Variants in VPS13C observed in about 807,000 individuals in gnomAD.
The protein encoded by VPS13C is vacuolar protein sorting 13 homolog C.
A neutral mutation model predicts 456.8 loss-of-function variants in VPS13C; 358 were observed. The observed-to-expected ratio is 0.78, with a 90% CI of 0.72 to 0.86. The LOEUF (loss-of-function observed/expected upper bound fraction) is 0.86. Ranked by LOEUF, VPS13C falls within the 40% of genes least tolerant of loss-of-function variation. VPS13C has a pLI of 0.00. For missense variants in VPS13C, 4,818 were observed against 4,385.4 expected, an observed-to-expected ratio of 1.10 and a Z score of -2.79; for synonymous variants, 1,578 against 1,486.7, an observed-to-expected ratio of 1.06 and a Z score of -1.41.
chr15:61,947,305 G>A lies in VPS13C; in HGVS notation c.4764C>T (p.Ser1588=). The A allele has an allele frequency of 1.0e-5, 16 of 1,602,916 alleles. No homozygotes were observed. The highest frequency in any genetic ancestry group is 1.4e-5 in the Non-Finnish European group (16 of 1,174,306). Residue 1588 remains serine (S), a synonymous_variant, in exon 43 of 85, where the codon TCC becomes TCT. Coordinates refer to ENST00000644861, the MANE Select transcript of VPS13C (RefSeq NM_020821.3). ...ESRSIAVKAV[S]SNISQKDVFD... ...ACACATCCTTTTGGGAAATGTTGCTGGATACTAAAAAATAATAGAAACCTT... is the reference window on the plus strand; with the variant it reads ...ACACATCCTTTTGGGAAATGTTGCTAGATACTAAAAAATAATAGAAACCTT...
At chr15:61,944,097 TCA>T (rs898897984) in intron 45 of VPS13C, among the ~76,000 whole-genome samples, 65 of 152,150 alleles carry the variant, frequency 4.3e-4, no homozygotes, top group African/African-American at 1.4e-3. Flanking sequence ...AGATACCATT[TCA>T]CAGCGGTCAG....
rs1274475618 is a variant in VPS13C at position 61,858,309 on chromosome 15, A to T, written c.10953-1900T>A. On this transcript the variant is annotated intron_variant, in intron 82 of 84. Transcript: ENST00000644861. This position sits in a 1 kb window ranked among gnomAD's most constrained non-coding sequence, Gnocchi z 4.4. ...AGATCTCAACTCGAGATTTTTATCC[A>T]AACTCCAACTATCTATCTATCTATC... Among the ~76,000 whole-genome samples, 4 of 148,706 alleles carry T rather than the reference A, an allele frequency of 2.7e-5. No individual in the cohort carries two copies. Among genetic ancestry groups the T allele is most frequent in the Non-Finnish European group, 1.5e-5 (1 of 67,326 alleles).
At chr15:61,974,124 T>TC (rs1351752561) in intron 25 of VPS13C, among the ~76,000 whole-genome samples, 164 bp downstream of exon 25, 8 of 152,150 alleles carry the variant, frequency 5.3e-5, no homozygotes, top group African/African-American at 1.4e-4. Context: ...TTAGTTTTTT[T>TC]CCCCTCTAGC....
At chr15:61,995,310 G>T (rs764776753) in intron 16 of VPS13C, among the ~76,000 whole-genome samples, 3 of 152,112 alleles carry the variant, frequency 2.0e-5, no homozygotes, top group Non-Finnish European at 4.4e-5. Flanking sequence ...TCACAATTTG[G>T]AGAGTGACCT....
At chr15:61,949,805 T>A (rs749696790) in intron 41 of VPS13C, among the ~76,000 whole-genome samples, 200 bp from the exon 42 acceptor site, 2 of 152,288 alleles carry the variant, frequency 1.3e-5, no homozygotes, top group South Asian at 4.1e-4. Context: ...CTCACTCCCA[T>A]GTGCAACCAC....
chr15:61,966,971 G>A (rs1423686534), intron 29 of VPS13C, among the ~76,000 whole-genome samples: 2 of 151,906 alleles, frequency 1.3e-5, no homozygotes, highest in East Asian at 1.9e-4. Flanking sequence ...TTTCTCATAC[G>A]AAATATTTTC....
chr15:61,966,008 T>C lies in VPS13C; in HGVS notation c.3051+75A>G. ...TGTCATCAAATTACCTAGTCAATACTCCTCAAAGGATACTAGAGGCTTTGA... is the reference window on the plus strand; with the variant it reads ...TGTCATCAAATTACCTAGTCAATACCCCTCAAAGGATACTAGAGGCTTTGA... On this transcript the variant is annotated intron_variant, in intron 30 of 84. Coordinates refer to ENST00000644861, the MANE Select transcript of VPS13C (RefSeq NM_020821.3). The C allele has an allele frequency of 2.7e-6, 3 of 1,095,652 alleles. 1 individual carries two copies. The South Asian group carries it at 5.0e-5, about 18-fold the overall frequency. 67.9% of individuals were successfully genotyped at this position (1,095,652 alleles called of 1,614,324 possible).
chr15:61,880,074 C>T (rs1408165656), intron 73 of VPS13C, among the ~76,000 whole-genome samples: 3 of 152,000 alleles, frequency 2.0e-5, no homozygotes, highest in Admixed American at 2.0e-4. Flanking sequence ...AAGCAGTCAC[C>T]TTCTCCTATA....
At chr15:61,973,573 T>TAG (rs1260136548) in intron 25 of VPS13C, 41 bp from the exon 26 acceptor site, 8 of 1,466,120 alleles carry the variant, frequency 5.5e-6, no homozygotes, top group Non-Finnish European at 7.6e-6. Flanking sequence ...AAGGATGACT[T>TAG]AGCAGGATTA....
chr15:61,878,933 G>C (rs1895660817), intron 73 of VPS13C, among the ~76,000 whole-genome samples, 187 bp from the exon 74 acceptor site: 1 of 151,992 alleles, frequency 6.6e-6, no homozygotes, highest in Non-Finnish European at 1.5e-5. Flanking sequence ...CTTTTTGATA[G>C]AATACAAATT....
chr15:61,936,606 G>T lies in VPS13C; in HGVS notation c.5746C>A (p.His1916Asn). 6.4e-7 allele frequency: 1 copy of T among 1,564,834 alleles called. No homozygotes were observed. The highest frequency in any genetic ancestry group is 8.6e-7 in the Non-Finnish European group (1 of 1,159,514). Residue 1916 changes from histidine to asparagine, a missense_variant, in exon 48 of 85, where the codon CAT (histidine) becomes AAT (asparagine). His to Asn is a moderately conservative substitution (Grantham distance 68, BLOSUM62 1). Transcript: ENST00000644861. ...TATCATCAATTTATACCTTTGAGAT[G>T]GTCAGGTACACTTGAAACATCAACT... The part of the protein sequence containing the change: ...RKVDVSSVPD[H>N]LKEQEDWTDS...
At position 61,890,154 on chromosome 15, in the gene VPS13C, T is replaced by A; in HGVS notation, c.9341+11A>T. On this transcript the variant is annotated intron_variant, in intron 67 of 84. Transcript: ENST00000644861. ...AAAGGTTTAGGATGTCTTATTTTCC[T>A]TCTTGCATACCTGGTTATCCCAATA... The A allele has an allele frequency of 3.7e-6, 6 of 1,613,092 alleles. No homozygotes were observed. The highest frequency in any genetic ancestry group is 5.1e-6 in the Non-Finnish European group (6 of 1,179,270).
intron 1 of VPS13C, among the ~76,000 whole-genome samples, chr15:62,053,640 C>T (rs935083940): frequency 2.6e-5 from 4 of 152,226 alleles, no homozygotes; most frequent in Non-Finnish European, 5.9e-5. Flanking sequence ...TCTAACCTTT[C>T]CACTTACAGA....
chr15:61,950,817 C>T (rs1286688170), intron 40 of VPS13C, 128 bp downstream of exon 40: 4 of 658,600 alleles, frequency 6.1e-6, no homozygotes, highest in African/African-American at 1.8e-5. Context: ...CAGATGCTTG[C>T]AAAATTCACC....
chr15:62,056,431 G>A (rs1015515441), intron 1 of VPS13C, among the ~76,000 whole-genome samples: 3 of 152,228 alleles, frequency 2.0e-5, no homozygotes, highest in African/African-American at 4.8e-5. Context: ...TGTTATGCCC[G>A]GACAGGGCCA....
Position 61,942,003 on chromosome 15 carries a change from T to G in VPS13C, c.5213A>C (p.Glu1738Ala). 6.2e-7 allele frequency: 1 copy of G among 1,614,038 alleles called. No individual in the cohort carries two copies. The highest frequency in any genetic ancestry group is 8.5e-7 in the Non-Finnish European group (1 of 1,179,906). ...GTCTTTCATGCTGGAAGCAGCTCTT[T>G]CTGCAGCCTGGACTGTGGCTGTACT... ...ALSTATVQAA[E>A]RAASSMKDLA... The change falls in exon 46 of 85, where the codon GAA becomes GCA. Residue 1738 changes from glutamate to alanine, a missense_variant. By Grantham distance (107) the Glu-to-Ala change is moderately radical. Transcript: ENST00000644861.
intron 81 of VPS13C, chr15:61,868,028 C>A: frequency 2.1e-6 from 2 of 947,858 alleles, no homozygotes; most frequent in South Asian, 1.5e-5. Context: ...ACAATAAAAA[C>A]CAAAGGAAGA....
chr15:62,014,244 G>C (rs1385309822), intron 9 of VPS13C, among the ~76,000 whole-genome samples: 1 of 152,066 alleles, frequency 6.6e-6, no homozygotes, highest in African/African-American at 2.4e-5. Context: ...TATTTGAACT[G>C]TGGAAAGAAT....
chr15:61,934,601 C>G (rs1216655869), intron 48 of VPS13C, among the ~76,000 whole-genome samples: 1 of 152,068 alleles, frequency 6.6e-6, no homozygotes, highest in Non-Finnish European at 1.5e-5. Flanking sequence ...CCTTAATTTT[C>G]AAGGCACTGA....
Sources: allele counts gnomAD v4.1 joint callset (sites outside exome capture counted in the v4.1 genomes callset), GRCh38; gene constraint gnomAD v4.1.1; non-coding constraint Gnocchi (gnomAD v3.1); transcripts MANE v1.5; gene names NCBI Gene and HGNC (gene_info 2026-07-23, HGNC 2026-07-21).